Variants in PRKN observed in about 807,000 individuals in gnomAD.
The protein encoded by PRKN is E3 ubiquitin-protein ligase parkin.
A neutral mutation model predicts 59.5 loss-of-function variants in PRKN; 56 were observed. The ratio of observed to expected loss-of-function variants is 0.94; its 90% CI spans 0.76 to 1.18. The LOEUF (loss-of-function observed/expected upper bound fraction) is 1.18. Ranked by LOEUF, PRKN falls within the 50% of genes most tolerant of loss-of-function variation. PRKN has a pLI of 0.00. For synonymous variants in PRKN, 250 were observed against 222.1 expected, an observed-to-expected ratio of 1.13 and a Z score of -1.12; for missense variants, 657 against 596.4, an observed-to-expected ratio of 1.10 and a Z score of -1.06.
At position 161,456,505 on chromosome 6, in the gene PRKN, C is replaced by G. The variant is rs1007010847; in HGVS notation, c.1084-69628G>C. Among the ~76,000 whole-genome samples the G allele has an allele frequency of 6.6e-6, 1 of 152,188 alleles. No individual in the cohort carries two copies. The highest frequency in any genetic ancestry group is 1.5e-5 in the Non-Finnish European group (1 of 68,044). On this transcript the variant is annotated intron_variant, in intron 9 of 11. Coordinates refer to ENST00000366898, the MANE Select transcript of PRKN (RefSeq NM_004562.3). This position sits in a 1 kb window ranked among gnomAD's most constrained non-coding sequence, Gnocchi z 4.8. ...GCTTCCTTGCTCCTCAGCTTGCAGA[C>G]AGTCTATTGTGGGACTTCTCCTTGT...
At chr6:161,938,977 T>G (rs987074252) in intron 6 of PRKN, among the ~76,000 whole-genome samples, 1 of 152,240 alleles carries the variant, frequency 6.6e-6, no homozygotes, top group Non-Finnish European at 1.5e-5. Flanking sequence ...TTCATTTATA[T>G]TTGCCTGAGA....
In PRKN at chr6:162,036,241, G is replaced by T. The variant is rs542539816; in HGVS notation, c.618+17850C>A. On this transcript the variant is annotated intron_variant, in intron 5 of 11. Transcript: ENST00000366898. Reference sequence around the variant, plus strand: ...CGGGAGGCTGCGGCAGGAGAATGGCGTGAACCCGGGAGGCGGAGCTTGCAG... The same window carrying T: ...CGGGAGGCTGCGGCAGGAGAATGGCTTGAACCCGGGAGGCGGAGCTTGCAG... Among the ~76,000 whole-genome samples, 3 of 151,718 alleles carry T rather than the reference G, an allele frequency of 2.0e-5. No individual in the cohort carries two copies. The East Asian group carries it at 6.0e-4, about 30-fold the overall frequency.
chr6:161,639,493 T>G (rs1159478907), intron 7 of PRKN, among the ~76,000 whole-genome samples: 1 of 151,500 alleles, frequency 6.6e-6, no homozygotes, highest in Non-Finnish European at 1.5e-5. Context: ...GAAAAAGGAG[T>G]GTTTGAAATT....
At chr6:162,091,278 C>T (rs1381232868) in intron 4 of PRKN, among the ~76,000 whole-genome samples, 1 of 152,100 alleles carries the variant, frequency 6.6e-6, no homozygotes, top group Non-Finnish European at 1.5e-5. Context: ...TAGCTATTTA[C>T]ATCCGATAAC....
intron 3 of PRKN, among the ~76,000 whole-genome samples, chr6:162,236,719 T>C (rs1778739071): frequency 6.6e-6 from 1 of 151,684 alleles, no homozygotes; most frequent in South Asian, 2.1e-4. Flanking sequence ...CGCTTGAACC[T>C]GGGACGCAGA....
intron 7 of PRKN, among the ~76,000 whole-genome samples, chr6:161,690,423 G>A (rs1201180537): frequency 1.3e-5 from 2 of 152,214 alleles, no homozygotes; most frequent in Non-Finnish European, 2.9e-5. Context: ...CTTACAAGAG[G>A]AAGAATCTGG....
intron 6 of PRKN, among the ~76,000 whole-genome samples, chr6:161,790,805 T>C (rs1379173570): frequency 6.6e-6 from 1 of 152,156 alleles, no homozygotes. Flanking sequence ...TTTTTAAACA[T>C]GGGAAGGGAA....
chr6:162,476,260 C>T (rs182617358), intron 1 of PRKN, among the ~76,000 whole-genome samples: 31 of 151,532 alleles, frequency 2.0e-4, no homozygotes, highest in Non-Finnish European at 2.9e-4. Context: ...TTAGTAGATA[C>T]GGGGTTTCTC....
intron 9 of PRKN, among the ~76,000 whole-genome samples, chr6:161,532,256 T>C (rs1170301850): frequency 6.6e-6 from 1 of 151,924 alleles, no homozygotes; most frequent in African/African-American, 2.4e-5. Flanking sequence ...GAGACTGTGA[T>C]TTGTGTAAAA....
chr6:161,459,526 C>A lies in PRKN; in HGVS notation c.1084-72649G>T, dbSNP rs1210215782. 2.6e-5 allele frequency among the ~76,000 whole-genome samples: 4 copies of A among 152,120 alleles called. No homozygotes were observed. Among genetic ancestry groups the A allele is most frequent in the Non-Finnish European group, 4.4e-5 (3 of 68,020 alleles). ...GTGGGAAGGATGGAATTCCCTGAATCCCTGGATCTGTTCACAGGAATGCCT... is the reference window on the plus strand; with the variant it reads ...GTGGGAAGGATGGAATTCCCTGAATACCTGGATCTGTTCACAGGAATGCCT... On this transcript the variant is annotated intron_variant, in intron 9 of 11. Coordinates refer to ENST00000366898, the MANE Select transcript of PRKN (RefSeq NM_004562.3). The surrounding 1 kb of genome is among the most constrained non-coding windows in gnomAD (Gnocchi z 4.8).
At chr6:162,148,040 G>T (rs898194580) in intron 4 of PRKN, among the ~76,000 whole-genome samples, 4 of 152,100 alleles carry the variant, frequency 2.6e-5, no homozygotes, top group African/African-American at 9.7e-5. Flanking sequence ...ACCCTATAAT[G>T]ACCTGTCTCA....
chr6:162,405,359 G>A (rs527976788), intron 2 of PRKN, among the ~76,000 whole-genome samples: 111 of 152,226 alleles, frequency 7.3e-4, no homozygotes, highest in African/African-American at 2.5e-3. Context: ...TCTCTAAGTC[G>A]CCCTCACACA....
At chr6:161,655,885 TAC>T (rs376047879) in intron 7 of PRKN, among the ~76,000 whole-genome samples, 1,259 of 56,242 alleles carry the variant, frequency 0.022, 17 homozygotes, top group East Asian at 0.033. Context: ...CACACACACA[TAC>T]ACACACACAC....
chr6:161,943,461 T>G (rs1456835252), intron 6 of PRKN, among the ~76,000 whole-genome samples: 1 of 152,242 alleles, frequency 6.6e-6, no homozygotes. Context: ...AATATGTGGA[T>G]AGTATGTATA....
At chr6:162,638,792 T>G (rs1250460329) in intron 1 of PRKN, among the ~76,000 whole-genome samples, 1 of 145,318 alleles carries the variant, frequency 6.9e-6, no homozygotes, top group Non-Finnish European at 1.5e-5. Flanking sequence ...TTGCCCATGC[T>G]GGAGTGCAAT....
chr6:161,976,607 C>T (rs1781043129), intron 5 of PRKN, among the ~76,000 whole-genome samples: 1 of 152,070 alleles, frequency 6.6e-6, no homozygotes, highest in Non-Finnish European at 1.5e-5. Flanking sequence ...ATGGCCAGCT[C>T]AAGGGTATTG....
chr6:161,686,784 T>A (rs1479288642), intron 7 of PRKN, among the ~76,000 whole-genome samples: 3 of 152,158 alleles, frequency 2.0e-5, no homozygotes, highest in Admixed American at 1.3e-4. Context: ...AGACTCCCTA[T>A]TCAAAGCAAA....
chr6:162,442,834 G>A (rs1011290115), intron 2 of PRKN, among the ~76,000 whole-genome samples: 14 of 152,188 alleles, frequency 9.2e-5, no homozygotes, highest in African/African-American at 3.1e-4. Flanking sequence ...AATGGGCCCC[G>A]GAGCCCACAC....
At chr6:162,151,601 C>T (rs901745894) in intron 4 of PRKN, among the ~76,000 whole-genome samples, 2 of 152,146 alleles carry the variant, frequency 1.3e-5, no homozygotes, top group African/African-American at 2.4e-5. Context: ...ATTTTGATGC[C>T]TGAGACTATT....
Sources: allele counts gnomAD v4.1 joint callset (sites outside exome capture counted in the v4.1 genomes callset), GRCh38; gene constraint gnomAD v4.1.1; non-coding constraint Gnocchi (gnomAD v3.1); transcripts MANE v1.5; gene names NCBI Gene and HGNC (gene_info 2026-07-23, HGNC 2026-07-21).